PDE3B: variants seen among roughly 807,000 people sequenced by gnomAD.
The protein encoded by PDE3B is phosphodiesterase 3B, also known as cGMP-inhibited 3',5'-cyclic phosphodiesterase 3B.
PDE3B carries 66 observed loss-of-function variants against 116.8 expected under a neutral mutation model. That is an observed-to-expected ratio of 0.56 (90% confidence interval 0.46 to 0.69). The LOEUF is 0.69. PDE3B is among the 30% of genes least tolerant of loss of function. PDE3B has a pLI of 0.00. For synonymous variants in PDE3B, 595 were observed against 533.6 expected, an observed-to-expected ratio of 1.12 and a Z score of -1.59; for missense variants, 1,384 against 1,368.1, an observed-to-expected ratio of 1.01 and a Z score of -0.18.
chr11:14,790,127 A>G (rs1488291126), intron 4 of PDE3B, among the ~76,000 whole-genome samples: 1 of 152,048 alleles, frequency 6.6e-6, no homozygotes, highest in Non-Finnish European at 1.5e-5. Context: ...TTAACAGATA[A>G]TTAGATGATT....
At chr11:14,693,828 A>G (rs577829482) in intron 1 of PDE3B, among the ~76,000 whole-genome samples, 7 of 152,304 alleles carry the variant, frequency 4.6e-5, no homozygotes, top group South Asian at 2.1e-4. Flanking sequence ...AAATCTTATT[A>G]TTTCAGAATT....
chr11:14,730,984 G>T (rs1856441279), intron 1 of PDE3B, among the ~76,000 whole-genome samples: 1 of 152,100 alleles, frequency 6.6e-6, no homozygotes, highest in African/African-American at 2.4e-5. Context: ...AAAGTATCCA[G>T]AAAAATTAAC....
the PDE3B span, chr11:14,891,830 C>A: frequency 7.0e-7 from 1 of 1,422,144 alleles, no homozygotes; most frequent in African/African-American, 1.4e-5. Context: ...CCTTCCAGAC[C>A]CGGGAAGCGG....
At chr11:14,773,158 CTTAAG>C (rs1426108192) in intron 2 of PDE3B, 1 of 151,832 alleles carries the variant, frequency 6.6e-6, no homozygotes, top group East Asian at 1.9e-4. Flanking sequence ...CTTTTTTTCT[CTTAAG>C]TTATGAGTGG....
intron 1 of PDE3B, among the ~76,000 whole-genome samples, chr11:14,725,497 CCCCCTTCCCTTCCCCCTCCTTCT>C (rs1196479271): frequency 2.6e-5 from 2 of 77,652 alleles, no homozygotes; most frequent in Admixed American, 2.6e-4. Context: ...CCCTCCCCCT[CCCCCTTCCCTTCCCCCTCCTTCT>C]CCCCTTCCCT....
intron 2 of PDE3B, among the ~76,000 whole-genome samples, chr11:14,784,122 C>T (rs766015566): frequency 1.1e-4 from 17 of 152,166 alleles, no homozygotes; most frequent in African/African-American, 2.4e-5. Flanking sequence ...ACCATCTCCT[C>T]GCACCCCTAC....
chr11:14,691,595 G>A (rs1444179097), intron 1 of PDE3B, among the ~76,000 whole-genome samples: 1 of 152,146 alleles, frequency 6.6e-6, no homozygotes, highest in Non-Finnish European at 1.5e-5. Flanking sequence ...TGTATTGAAT[G>A]TTTATTATAT....
chr11:14,736,982 T>C (rs538252481), intron 1 of PDE3B, among the ~76,000 whole-genome samples: 1 of 152,338 alleles, frequency 6.6e-6, no homozygotes, highest in South Asian at 2.1e-4. Context: ...AAGTCCACCA[T>C]GTACTAGCTG....
rs1460046039 is a variant in PDE3B at position 14,820,551 on chromosome 11, A to T, written c.1807+1342A>T. On this transcript the variant is annotated intron_variant, in intron 7 of 15. Transcript: ENST00000282096. ...GTAATGATTGTTGATAACTGCAAAT[A>T]TACTAAAATTGTTAAATTGTACACT... Among the ~76,000 whole-genome samples, 3 of 152,314 alleles carry T rather than the reference A, an allele frequency of 2.0e-5. No homozygotes were observed. The East Asian group carries it at 5.8e-4, about 29-fold the overall frequency.
At chr11:14,749,312 G>T (rs891427685) in intron 1 of PDE3B, among the ~76,000 whole-genome samples, 2 of 152,084 alleles carry the variant, frequency 1.3e-5, no homozygotes, top group African/African-American at 2.4e-5. Context: ...TTCAGTGCTT[G>T]AATTTCCTTA....
At chr11:14,762,454 T>G (rs770701587) in intron 1 of PDE3B, among the ~76,000 whole-genome samples, 2 of 152,198 alleles carry the variant, frequency 1.3e-5, no homozygotes, top group Non-Finnish European at 2.9e-5. Flanking sequence ...TTTATTGAAC[T>G]TTCCTGGCCT....
chr11:14,873,130 A>AAGT (rs1452746748), downstream of PDE3B, among the ~76,000 whole-genome samples: 1 of 152,206 alleles, frequency 6.6e-6, no homozygotes, highest in Non-Finnish European at 1.5e-5. Flanking sequence ...ATAATCAAGG[A>AAGT]AGTCCCCTCT....
intron 13 of PDE3B, 69 bp from the exon 14 acceptor site, chr11:14,861,136 A>T: frequency 8.1e-7 from 1 of 1,234,878 alleles, no homozygotes; most frequent in South Asian, 1.3e-5. Flanking sequence ...TAATTTGGTA[A>T]AAGCAAACAA....
Position 14,870,113 on chromosome 11 carries a change from G to C in PDE3B, c.*453G>C, listed in dbSNP as rs1303326056. On this transcript the variant is annotated 3_prime_UTR_variant, in exon 16 of 16. Coordinates refer to ENST00000282096, the MANE Select transcript of PDE3B (RefSeq NM_000922.4). The surrounding 1 kb of genome is among the most constrained non-coding windows in gnomAD (Gnocchi z 4.1). ...GTCTTTTATGTCTTTGAATGTTTTG[G>C]AGAAAAGTCTATGCCTGTCTAAAAA... The C allele has an allele frequency of 6.4e-6, 1 of 156,556 alleles. No homozygotes were observed. The highest frequency in any genetic ancestry group is 2.4e-5 in the African/African-American group (1 of 41,428). The allele number at this position is 156,556 out of a possible 1,614,324, so 9.7% of individuals were successfully genotyped here.
At chr11:14,663,395 A>G (rs1181643808) in intron 1 of PDE3B, among the ~76,000 whole-genome samples, 2 of 152,318 alleles carry the variant, frequency 1.3e-5, no homozygotes, top group Non-Finnish European at 2.9e-5. Context: ...AAGAAACTGC[A>G]TCAACTAACG....
At chr11:14,727,921 C>T (rs1856356084) in intron 1 of PDE3B, among the ~76,000 whole-genome samples, 1 of 152,078 alleles carries the variant, frequency 6.6e-6, no homozygotes, top group South Asian at 2.1e-4. Flanking sequence ...CTTAAATATA[C>T]TCTTGGTTTT....
intron 1 of PDE3B, among the ~76,000 whole-genome samples, chr11:14,721,608 G>A (rs576100740): frequency 6.7e-6 from 1 of 150,006 alleles, no homozygotes; most frequent in Non-Finnish European, 1.5e-5. Flanking sequence ...AAAAGGATGA[G>A]TTCATGTCCT....
intron 12 of PDE3B, among the ~76,000 whole-genome samples, chr11:14,846,905 C>T (rs1847617012): frequency 1.3e-5 from 2 of 152,158 alleles, no homozygotes; most frequent in South Asian, 2.1e-4. Flanking sequence ...ACTTTAACAC[C>T]CCACTGTCAA....
At chr11:14,885,859 A>G in the PDE3B span, 1 of 1,613,554 alleles carries the variant, frequency 6.2e-7, no homozygotes, top group Non-Finnish European at 8.5e-7. Context: ...GCATTCCTTT[A>G]CTACATCATA....
Sources: allele counts gnomAD v4.1 joint callset (sites outside exome capture counted in the v4.1 genomes callset), GRCh38; gene constraint gnomAD v4.1.1; non-coding constraint Gnocchi (gnomAD v3.1); transcripts MANE v1.5; gene names NCBI Gene and HGNC (gene_info 2026-07-23, HGNC 2026-07-21).